Variants in TTC9 observed in about 807,000 individuals in gnomAD.
TTC9 encodes the protein tetratricopeptide repeat domain 9.
Under a neutral mutation model 22.9 loss-of-function variants are expected in TTC9, and 13 were observed. The observed-to-expected ratio is 0.57, with a 90% CI of 0.37 to 0.90. The LOEUF is 0.90. TTC9 is among the 40% of genes least tolerant of loss of function. TTC9 has a pLI of 0.01. For synonymous variants in TTC9, 148 were observed against 133.2 expected (o/e 1.11, Z -0.77); for missense variants, 280 against 291.8 (o/e 0.96, Z 0.29).
intron 2 of TTC9, among the ~76,000 whole-genome samples, chr14:70,668,707 T>G (rs778982137): frequency 6.6e-6 from 1 of 151,670 alleles, no homozygotes; most frequent in Non-Finnish European, 1.5e-5. Context: ...AAAAATTAGC[T>G]GGGTGTGGTG....
At chr14:70,653,127 A>G (rs1211558356) in intron 1 of TTC9, among the ~76,000 whole-genome samples, 1 of 152,250 alleles carries the variant, frequency 6.6e-6, no homozygotes, top group African/African-American at 2.4e-5. Flanking sequence ...TATGGTGATT[A>G]AATTAATGAT....
Position 70,642,396 on chromosome 14 carries a change from G to A in TTC9, c.267G>A (p.Gly89=), listed in dbSNP as rs778492861. The A allele has an allele frequency of 3.7e-6, 6 of 1,602,246 alleles. No individual in the cohort carries two copies. Among genetic ancestry groups the A allele is most frequent in the Non-Finnish European group, 5.1e-6 (6 of 1,175,436 alleles). ...ACCGGGCGTTGCTGGAGCTGAAGGGGCTGCTGCCGCCCCCCGGGGAACGGG... is the reference window on the plus strand; with the variant it reads ...ACCGGGCGTTGCTGGAGCTGAAGGGACTGCTGCCGCCCCCCGGGGAACGGG... ...KYHRALLELK[G]LLPPPGERER... The change falls in exon 1 of 3, where the codon GGG becomes GGA. Residue 89 remains glycine, a synonymous_variant. Coordinates refer to ENST00000256367, the MANE Select transcript of TTC9 (RefSeq NM_015351.2).
intron 1 of TTC9, among the ~76,000 whole-genome samples, chr14:70,645,035 C>G (rs1443884148): frequency 6.6e-6 from 1 of 152,080 alleles, no homozygotes; most frequent in Admixed American, 6.5e-5. Flanking sequence ...TGGCATAAAC[C>G]CGGGAGGCGG....
At chr14:70,651,081 A>G (rs932387792) in intron 1 of TTC9, among the ~76,000 whole-genome samples, 1 of 152,152 alleles carries the variant, frequency 6.6e-6, no homozygotes, top group African/African-American at 2.4e-5. Context: ...CCTGGATTCA[A>G]GCGATTCTCC....
At position 70,674,603 on chromosome 14, in the gene TTC9, T is replaced by C. The variant is rs1416875950; in HGVS notation, c.*3448T>C. 1 of 152,186 alleles carries C rather than the reference T, an allele frequency of 6.6e-6. No homozygotes were observed. The highest frequency in any genetic ancestry group is 1.9e-4 in the East Asian group (1 of 5,196). The allele number at this position is 152,186 out of a possible 1,614,324, so 9.4% of individuals were successfully genotyped here. A position where few individuals can be genotyped will look rare whatever the true frequency, so the allele number is the denominator to read the frequency against. ...CCCTACCCCGTCTGCCAGCATCTAG[T>C]TTCCCTCTAATTTATTTTGCATCCT... On this transcript the variant is annotated 3_prime_UTR_variant, in exon 3 of 3. Coordinates refer to ENST00000256367, the MANE Select transcript of TTC9 (RefSeq NM_015351.2).
Position 70,642,448 on chromosome 14 carries a change from G to T in TTC9, c.319G>T (p.Ala107Ser). ...RERDSRPASP[A>S]GALKPGRLSE... ...GCGGGACTCGCGCCCGGCCTCCCCG[G>T]CTGGGGCCCTGAAGCCCGGCCGCCT... Residue 107 changes from alanine (A) to serine (S), a missense_variant, in exon 1 of 3, where the codon GCT becomes TCT. Ala to Ser is a moderately conservative substitution (Grantham distance 99). Around this residue, in one of 5 missense-constraint regions of TTC9, gnomAD observed 165 missense variants for 145.4 expected, o/e 1.14. Coordinates refer to ENST00000256367, the MANE Select transcript of TTC9 (RefSeq NM_015351.2). 1 of 1,560,916 alleles carries T rather than the reference G, an allele frequency of 6.4e-7. No homozygotes were observed. The highest frequency in any genetic ancestry group is 8.7e-7 in the Non-Finnish European group (1 of 1,154,352).
At chr14:70,652,218 C>G (rs1028184204) in intron 1 of TTC9, among the ~76,000 whole-genome samples, 1 of 152,200 alleles carries the variant, frequency 6.6e-6, no homozygotes, top group African/African-American at 2.4e-5. Flanking sequence ...GGGAAGGAAA[C>G]AGGAGACAAG....
At chr14:70,649,019 T>C (rs1009840955) in intron 1 of TTC9, among the ~76,000 whole-genome samples, 1 of 152,112 alleles carries the variant, frequency 6.6e-6, no homozygotes, top group Non-Finnish European at 1.5e-5. Context: ...TTCTGTAAAA[T>C]CAGAATTTTG....
At chr14:70,666,035 TC>T (rs1016345998) in intron 1 of TTC9, among the ~76,000 whole-genome samples, 1 of 151,952 alleles carries the variant, frequency 6.6e-6, no homozygotes, top group Admixed American at 6.6e-5. Flanking sequence ...TTTTTTGTAC[TC>T]CCTCCGAAGT....
chr14:70,665,881 A>C (rs1405433879), intron 1 of TTC9, among the ~76,000 whole-genome samples: 2 of 152,068 alleles, frequency 1.3e-5, no homozygotes, highest in African/African-American at 2.4e-5. Context: ...AGTGTGGAAA[A>C]GTCTGGGCAC....
intron 1 of TTC9, among the ~76,000 whole-genome samples, chr14:70,662,679 C>G (rs762336504): frequency 6.6e-6 from 1 of 152,204 alleles, no homozygotes; most frequent in African/African-American, 2.4e-5. Flanking sequence ...TCTCATTTTG[C>G]AGATGCCCAG....
intron 1 of TTC9, among the ~76,000 whole-genome samples, chr14:70,643,834 A>C (rs938019146): frequency 6.6e-6 from 1 of 152,218 alleles, no homozygotes; most frequent in African/African-American, 2.4e-5. Context: ...GCACTTTGTA[A>C]ATTGTAAAGT....
In TTC9 at chr14:70,667,714, A is replaced by G; in HGVS notation, c.557A>G (p.Tyr186Cys). 1 of 1,606,562 alleles carries G rather than the reference A, an allele frequency of 6.2e-7. No individual in the cohort carries two copies. Among genetic ancestry groups the G allele is most frequent in the Non-Finnish European group, 8.5e-7 (1 of 1,175,746 alleles). The change falls in exon 2 of 3, where the codon TAC becomes TGC. Residue 186 changes from tyrosine (Y) to cysteine (C), a missense_variant. Around this residue, in one of 5 missense-constraint regions of TTC9, gnomAD observed 39 missense variants for 67.4 expected, o/e 0.58. Transcript: ENST00000256367. ...GGGGACTATGACAAAGCACTCTACT[A>G]CCTGAAAGAAGCAAGGACCCAACAA... ...HLGDYDKALY[Y>C]LKEARTQQPT...
At chr14:70,669,219 C>T (rs1458501914) in intron 2 of TTC9, among the ~76,000 whole-genome samples, 3 of 152,102 alleles carry the variant, frequency 2.0e-5, no homozygotes, top group African/African-American at 7.2e-5. Flanking sequence ...AAGAGCCTCT[C>T]TGAGGAAGTA....
At chr14:70,656,299 A>G (rs1383832007) in intron 1 of TTC9, among the ~76,000 whole-genome samples, 1 of 151,886 alleles carries the variant, frequency 6.6e-6, no homozygotes, top group Non-Finnish European at 1.5e-5. Context: ...AGCAACCTTC[A>G]TGTTTTTCCA....
At chr14:70,649,183 A>C (rs1485615095) in intron 1 of TTC9, among the ~76,000 whole-genome samples, 1 of 152,172 alleles carries the variant, frequency 6.6e-6, no homozygotes, top group Non-Finnish European at 1.5e-5. Context: ...ACCACCACCA[A>C]AACAACTATA....
At chr14:70,656,405 A>G (rs1436139315) in intron 1 of TTC9, among the ~76,000 whole-genome samples, 1 of 152,162 alleles carries the variant, frequency 6.6e-6, no homozygotes, top group Non-Finnish European at 1.5e-5. Flanking sequence ...TATTTATTTA[A>G]CTAATCTACT....
intron 1 of TTC9, among the ~76,000 whole-genome samples, chr14:70,650,372 G>A (rs534518665): frequency 7.9e-5 from 12 of 151,566 alleles, no homozygotes; most frequent in East Asian, 3.9e-4. Flanking sequence ...GCGGTGAGCC[G>A]AGATTGCACC....
At chr14:70,667,357 T>G (rs1219489577) in intron 1 of TTC9, among the ~76,000 whole-genome samples, 4 of 152,202 alleles carry the variant, frequency 2.6e-5, no homozygotes, top group Admixed American at 6.5e-5. Flanking sequence ...AATACAAGGT[T>G]AAGTGACTTG....
Sources: gnomAD v4.1 joint callset for allele counts (sites outside exome capture counted in the v4.1 genomes callset) on GRCh38, gnomAD v4.1.1 for gene constraint, gnomAD v4.1.1 regional missense constraint, MANE v1.5 for transcripts, NCBI Gene and HGNC (gene_info 2026-07-23, HGNC 2026-07-21) for gene names.